The following AGMO variants were observed in gnomAD, a reference collection of about 807,000 sequenced individuals.
The protein encoded by AGMO is alkylglycerol monooxygenase.
In AGMO, 75 loss-of-function variants were observed where a neutral mutation model predicts 60.2. That is an observed-to-expected ratio of 1.25 (90% CI 1.03 to 1.51). The LOEUF (loss-of-function observed/expected upper bound fraction) is 1.51, where lower values mean the gene tolerates loss of function less well. Ranked by LOEUF, AGMO falls within the 40% of genes most tolerant of loss-of-function variation. AGMO has a pLI of 0.00. For synonymous variants in AGMO, 261 were observed against 177.1 expected, an observed-to-expected ratio of 1.47 and a Z score of -3.76; for missense variants, 763 against 525.5, an observed-to-expected ratio of 1.45 and a Z score of -4.42.
chr7:15,534,501 A>G (rs993388377), intron 3 of AGMO, among the ~76,000 whole-genome samples: 6 of 151,978 alleles, frequency 3.9e-5, no homozygotes, highest in Non-Finnish European at 7.4e-5. Flanking sequence ...TCATCTAGGA[A>G]GAGATCATTA....
At chr7:15,343,290 C>CTA (rs1221318621) in intron 12 of AGMO, among the ~76,000 whole-genome samples, 1 of 152,072 alleles carries the variant, frequency 6.6e-6, no homozygotes, top group East Asian at 1.9e-4. Flanking sequence ...GTTTACCTCT[C>CTA]TATTCACCCT....
At chr7:15,396,480 G>A (rs1318588007) in intron 5 of AGMO, 1 of 152,226 alleles carries the variant, frequency 6.6e-6, no homozygotes, top group African/African-American at 2.4e-5. Context: ...GCTCATAAAC[G>A]TGGCAGGGAC....
intron 12 of AGMO, among the ~76,000 whole-genome samples, chr7:15,299,858 C>CAG (rs1784514651): frequency 1.3e-5 from 2 of 150,592 alleles, no homozygotes; most frequent in Non-Finnish European, 1.5e-5. Context: ...CACACACACA[C>CAG]ACACACACAC....
the AGMO span, among the ~76,000 whole-genome samples, chr7:15,148,246 T>C: frequency 6.6e-6 from 1 of 152,142 alleles, no homozygotes; most frequent in African/African-American, 2.4e-5. Flanking sequence ...GGTAAATCTC[T>C]TATGAGTAAA....
intron 12 of AGMO, among the ~76,000 whole-genome samples, chr7:15,289,941 A>ACCTTT (rs1563071831): frequency 7.8e-6 from 1 of 128,208 alleles, no homozygotes. Flanking sequence ...TATTCCAGAA[A>ACCTTT]TCTTTTTTTT....
At chr7:15,470,405 C>G (rs1782420426) in intron 3 of AGMO, among the ~76,000 whole-genome samples, 1 of 151,766 alleles carries the variant, frequency 6.6e-6, no homozygotes, top group African/African-American at 2.4e-5. Context: ...TCATCTTTCT[C>G]TTTTTTTCTG....
At chr7:15,459,591 A>ATGTATGTTTGTGTGTGTGTG (rs1554274856) in intron 3 of AGMO, among the ~76,000 whole-genome samples, 41 of 13,244 alleles carry the variant, frequency 3.1e-3, no homozygotes, top group African/African-American at 0.013. Context: ...AAATGTGTGT[A>ATGTATGTTTGTGTGTGTGTG]TGTGCGTTTG....
chr7:15,364,599 C>G (rs1782898235), intron 12 of AGMO, among the ~76,000 whole-genome samples: 1 of 151,986 alleles, frequency 6.6e-6, no homozygotes, highest in Middle Eastern at 3.4e-3. Context: ...TACACCGATT[C>G]GCGTGTGTGA....
At chr7:15,459,562 A>G (rs1782083020) in intron 3 of AGMO, among the ~76,000 whole-genome samples, 2 of 97,328 alleles carry the variant, frequency 2.1e-5, no homozygotes, top group African/African-American at 3.9e-5. Context: ...GGGATTGGTA[A>G]AATTTTGGTT....
At chr7:15,547,281 C>A (rs550609437) in intron 2 of AGMO, among the ~76,000 whole-genome samples, 20 of 152,242 alleles carry the variant, frequency 1.3e-4, no homozygotes, top group African/African-American at 4.8e-4. Flanking sequence ...TGCCTTGAAA[C>A]AACTGATCTG....
intron 12 of AGMO, among the ~76,000 whole-genome samples, chr7:15,232,423 T>C (rs1782286688): frequency 6.6e-6 from 1 of 152,176 alleles, no homozygotes; most frequent in Admixed American, 6.6e-5. Flanking sequence ...GTGCCAACGT[T>C]CTTTCTTAGT....
At chr7:15,213,111 CTTT>C (rs1456939353) in intron 12 of AGMO, among the ~76,000 whole-genome samples, 1 of 151,658 alleles carries the variant, frequency 6.6e-6, no homozygotes, top group Non-Finnish European at 1.5e-5. Flanking sequence ...AAAAATAGAT[CTTT>C]TTTAAAATTC....
intron 12 of AGMO, among the ~76,000 whole-genome samples, chr7:15,223,945 A>C (rs893362109): frequency 3.9e-5 from 6 of 152,096 alleles, no homozygotes; most frequent in African/African-American, 1.4e-4. Context: ...ACTTGAAACA[A>C]ACTTGGCTGG....
At chr7:15,473,648 G>C (rs1016304323) in intron 3 of AGMO, among the ~76,000 whole-genome samples, 1 of 152,084 alleles carries the variant, frequency 6.6e-6, no homozygotes, top group Non-Finnish European at 1.5e-5. Context: ...GTGAAAACCA[G>C]TACAAGACAA....
intron 12 of AGMO, among the ~76,000 whole-genome samples, chr7:15,229,034 T>C (rs1473064070): frequency 2.0e-5 from 3 of 152,136 alleles, no homozygotes; most frequent in Non-Finnish European, 4.4e-5. Flanking sequence ...ACCAGTGATA[T>C]ATGACTTGTA....
chr7:15,321,297 C>T (rs537883076), intron 12 of AGMO, among the ~76,000 whole-genome samples: 3 of 152,190 alleles, frequency 2.0e-5, no homozygotes, highest in Admixed American at 6.6e-5. Flanking sequence ...AAACCCCAAA[C>T]GGATGTTCTA....
At chr7:15,528,191 G>A (rs1238703237) in intron 3 of AGMO, among the ~76,000 whole-genome samples, 2 of 152,028 alleles carry the variant, frequency 1.3e-5, no homozygotes, top group Non-Finnish European at 2.9e-5. Context: ...ATGATCATTA[G>A]CATCTTTAGC....
At chr7:15,561,636 T>G (rs1785309133) in intron 1 of AGMO, 84 bp downstream of exon 1, 13 of 1,257,114 alleles carry the variant, frequency 1.0e-5, no homozygotes, top group African/African-American at 1.5e-5. Context: ...ATAATGAAAG[T>G]GAACAAAACC....
At chr7:15,370,513 T>C (rs1049935368) in intron 10 of AGMO, among the ~76,000 whole-genome samples, 1 of 152,192 alleles carries the variant, frequency 6.6e-6, no homozygotes, top group Non-Finnish European at 1.5e-5. Flanking sequence ...TCACCAACAG[T>C]GTGTATGTGT....
Sources: allele counts gnomAD v4.1 joint callset (sites outside exome capture counted in the v4.1 genomes callset), GRCh38; gene constraint gnomAD v4.1.1; transcripts MANE v1.5; gene names NCBI Gene and HGNC (gene_info 2026-07-23, HGNC 2026-07-21).